MACROD2: variants seen among roughly 807,000 people sequenced by gnomAD.
MACROD2 encodes the protein ADP-ribose glycohydrolase MACROD2.
A neutral mutation model predicts 70.4 loss-of-function variants in MACROD2; 36 were observed. The ratio of observed to expected loss-of-function variants is 0.51; its 90% CI spans 0.39 to 0.68. The LOEUF (loss-of-function observed/expected upper bound fraction) is 0.68, where lower values mean the gene tolerates loss of function less well. Among genes scored for constraint, MACROD2 ranks in the 30% least tolerant of loss-of-function variants. The probability of loss-of-function intolerance (pLI) is 0.00; values close to 1 mark genes in which losing one functional copy is unlikely to be tolerated. For synonymous variants in MACROD2, 172 were observed against 178.8 expected (o/e 0.96, Z 0.30); for missense variants, 496 against 538.4 (o/e 0.92, Z 0.78).
At chr20:14,671,444 T>C (rs1441484434) in intron 4 of MACROD2, among the ~76,000 whole-genome samples, 1 of 152,112 alleles carries the variant, frequency 6.6e-6, no homozygotes, top group Non-Finnish European at 1.5e-5. Context: ...TTTTTTCTCA[T>C]TTGCTATTTC....
At chr20:15,548,440 G>T (rs1017872462) in intron 8 of MACROD2, among the ~76,000 whole-genome samples, 1 of 152,030 alleles carries the variant, frequency 6.6e-6, no homozygotes, top group Non-Finnish European at 1.5e-5. Flanking sequence ...TGTCACCCCA[G>T]GCTGGAGTGC....
chr20:15,047,023 T>G (rs2075399873), intron 5 of MACROD2, among the ~76,000 whole-genome samples: 2 of 152,178 alleles, frequency 1.3e-5, no homozygotes, highest in Admixed American at 1.3e-4. Context: ...CTGCATTCAT[T>G]GGTTGCCCTT....
intron 4 of MACROD2, among the ~76,000 whole-genome samples, chr20:14,540,001 G>C (rs1402439293): frequency 1.3e-5 from 2 of 152,082 alleles, no homozygotes; most frequent in African/African-American, 4.8e-5. Flanking sequence ...TTCTTTTAAA[G>C]GTCCTTATAG....
chr20:15,746,273 A>G (rs2051181350), intron 8 of MACROD2, among the ~76,000 whole-genome samples: 1 of 152,052 alleles, frequency 6.6e-6, no homozygotes, highest in Admixed American at 6.6e-5. Flanking sequence ...TATTTTTGAT[A>G]CTACTGTAAA....
At chr20:15,224,571 C>T (rs1187775978) in intron 5 of MACROD2, among the ~76,000 whole-genome samples, 1 of 152,166 alleles carries the variant, frequency 6.6e-6, no homozygotes, top group Non-Finnish European at 1.5e-5. Context: ...TTCTTAATCT[C>T]TAAAAATTCT....
chr20:14,578,666 A>G (rs1980781178), intron 4 of MACROD2, among the ~76,000 whole-genome samples: 1 of 152,210 alleles, frequency 6.6e-6, no homozygotes, highest in Non-Finnish European at 1.5e-5. Context: ...AAACTCTAAA[A>G]TATTACAACC....
At chr20:14,252,297 G>A (rs1472851342) in intron 3 of MACROD2, among the ~76,000 whole-genome samples, 1 of 151,912 alleles carries the variant, frequency 6.6e-6, no homozygotes, top group Non-Finnish European at 1.5e-5. Context: ...CTGTTTCCCA[G>A]TCACTGTTCC....
intron 5 of MACROD2, among the ~76,000 whole-genome samples, chr20:15,004,813 G>T (rs1600936227): frequency 6.6e-6 from 1 of 152,120 alleles, no homozygotes; most frequent in Non-Finnish European, 1.5e-5. Flanking sequence ...AGGCAGTAAA[G>T]GTCTGAACAC....
In MACROD2 at chr20:14,255,455, T is replaced by C. The variant is rs567319642; in HGVS notation, c.271+169727T>C. Reference sequence around the variant, plus strand: ...AGGGACAAAAAAACCAAACACCGCATGTTCTCACTCATAGGTGGGAATTGA... The same window carrying C: ...AGGGACAAAAAAACCAAACACCGCACGTTCTCACTCATAGGTGGGAATTGA... On this transcript the variant is annotated intron_variant, in intron 3 of 17. Transcript: ENST00000684519. Among the ~76,000 whole-genome samples, 11 of 151,476 alleles carry C rather than the reference T, an allele frequency of 7.3e-5. No individual in the cohort carries two copies. The East Asian group carries it at 2.0e-3, about 27-fold the overall frequency.
rs1024752625 is a variant in MACROD2 at position 15,416,877 on chromosome 20, C to T, written c.541-14528C>T. 5.3e-5 allele frequency among the ~76,000 whole-genome samples: 8 copies of T among 151,006 alleles called. No homozygotes were observed. In the South Asian group the frequency reaches 6.3e-4, roughly 12 times the overall value. ...GAGATCGCGCCACTGCACTCCAGCC[C>T]GGGCGACAGAGCGAGACTCCGTCTC... On this transcript the variant is annotated intron_variant, in intron 6 of 17. Coordinates refer to ENST00000684519, the MANE Select transcript of MACROD2 (RefSeq NM_001351661.2).
At chr20:14,988,256 C>A (rs1447876922) in intron 5 of MACROD2, among the ~76,000 whole-genome samples, 1 of 143,314 alleles carries the variant, frequency 7.0e-6, no homozygotes, top group Admixed American at 7.3e-5. Context: ...TTCAACTACT[C>A]GGGAGGTTGA....
intron 5 of MACROD2, among the ~76,000 whole-genome samples, chr20:15,192,982 C>T (rs868469215): frequency 1.3e-5 from 2 of 152,158 alleles, no homozygotes; most frequent in Non-Finnish European, 2.9e-5. Context: ...TTAACAGAGA[C>T]AGAGCTGTCA....
chr20:14,644,398 T>C (rs963886495), intron 4 of MACROD2, among the ~76,000 whole-genome samples: 4 of 152,238 alleles, frequency 2.6e-5, no homozygotes, highest in African/African-American at 7.2e-5. Flanking sequence ...TTGCCTTTCT[T>C]TGTAACTCAT....
At chr20:15,882,406 C>T (rs1381041094) in intron 9 of MACROD2, among the ~76,000 whole-genome samples, 2 of 151,974 alleles carry the variant, frequency 1.3e-5, no homozygotes, top group African/African-American at 4.8e-5. Context: ...TGAATGAGCC[C>T]AAGAGGCAGG....
At chr20:14,908,245 G>A (rs1166987086) in intron 5 of MACROD2, among the ~76,000 whole-genome samples, 1 of 152,166 alleles carries the variant, frequency 6.6e-6, no homozygotes, top group African/African-American at 2.4e-5. Flanking sequence ...GGAGGTTGAG[G>A]CAGGAGAATC....
chr20:14,898,089 T>C (rs1019226881), intron 5 of MACROD2, among the ~76,000 whole-genome samples: 10 of 152,168 alleles, frequency 6.6e-5, no homozygotes, highest in Non-Finnish European at 1.5e-4. Flanking sequence ...GCCAACACTT[T>C]ATAAAAATCT....
At chr20:14,632,068 G>T (rs1600480355) in intron 4 of MACROD2, 1 of 150,892 alleles carries the variant, frequency 6.6e-6, no homozygotes, top group South Asian at 2.1e-4. Context: ...CTTTTTGCCT[G>T]CTTTTTTTTT....
intron 5 of MACROD2, among the ~76,000 whole-genome samples, chr20:15,085,872 CA>C (rs747353847): frequency 5.1e-4 from 48 of 93,234 alleles, no homozygotes; most frequent in South Asian, 1.8e-3. Flanking sequence ...CACACACACA[CA>C]ACACACACAC....
intron 8 of MACROD2, among the ~76,000 whole-genome samples, chr20:15,799,260 C>A (rs775231802): frequency 6.6e-6 from 1 of 151,878 alleles, no homozygotes; most frequent in Non-Finnish European, 1.5e-5. Flanking sequence ...GTGTAATATC[C>A]CTCACCTCAA....
Sources: allele counts gnomAD v4.1 joint callset (sites outside exome capture counted in the v4.1 genomes callset), GRCh38; gene constraint gnomAD v4.1.1; transcripts MANE v1.5; gene names NCBI Gene and HGNC (gene_info 2026-07-23, HGNC 2026-07-21).